ZNF385D: variants seen among roughly 807,000 people sequenced by gnomAD.
The protein encoded by ZNF385D is zinc finger protein 385D, also known as zinc finger protein 659.
In ZNF385D, 15 loss-of-function variants were observed where a neutral mutation model predicts 35.8. The ratio of observed to expected loss-of-function variants is 0.42; its 90% CI spans 0.28 to 0.64. The LOEUF (loss-of-function observed/expected upper bound fraction) is 0.64, where lower values mean the gene tolerates loss of function less well. Ranked by LOEUF, ZNF385D falls within the 30% of genes least tolerant of loss-of-function variation. ZNF385D has a pLI of 0.23. For synonymous variants in ZNF385D, 212 were observed against 186.8 expected (o/e 1.13, Z -1.10); for missense variants, 474 against 494.6 (o/e 0.96, Z 0.39).
rs140638249 is a variant in ZNF385D at position 22,184,500 on chromosome 3, A to T, written c.107-15465T>A. The stretch of plus-strand genomic sequence containing the variant: ...TGATGCTCTCAGAATTCAACTACAG[A>T]AACAAAAGACTTGATGGTACTAGAT... On this transcript the variant is annotated intron_variant, in intron 2 of 5. Transcript: ENST00000494108. 1.3e-3 allele frequency among the ~76,000 whole-genome samples: 193 copies of T among 152,250 alleles called. 2 individuals are homozygous for T. Among genetic ancestry groups the T allele is most frequent in the African/African-American group, 4.3e-3 (180 of 41,564 alleles).
At chr3:22,109,269 CAAT>C (rs371168909) in intron 3 of ZNF385D, among the ~76,000 whole-genome samples, 18 of 152,190 alleles carry the variant, frequency 1.2e-4, no homozygotes, top group African/African-American at 4.1e-4. Context: ...CTTATCAACT[CAAT>C]AATAATTTAT....
chr3:22,362,203 TTTAAA>T (rs1210294507), intron 2 of ZNF385D, among the ~76,000 whole-genome samples: 28 of 151,926 alleles, frequency 1.8e-4, no homozygotes, highest in Non-Finnish European at 1.3e-4. Flanking sequence ...TTCTTAAGAA[TTTAAA>T]TTAAGAACAC....
intron 3 of ZNF385D, among the ~76,000 whole-genome samples, chr3:21,528,102 A>G (rs1708336232): frequency 6.6e-6 from 1 of 152,192 alleles, no homozygotes; most frequent in Non-Finnish European, 1.5e-5. Flanking sequence ...CTGTCTCCAA[A>G]GTTCATTGCA....
At chr3:22,201,791 A>G in intron 2 of ZNF385D, among the ~76,000 whole-genome samples, 1 of 151,684 alleles carries the variant, frequency 6.6e-6, no homozygotes, top group East Asian at 1.9e-4. Context: ...AAACAACTGA[A>G]TGTGTGTGTA....
intron 2 of ZNF385D, among the ~76,000 whole-genome samples, chr3:22,237,601 G>A (rs1448518816): frequency 2.0e-5 from 3 of 152,092 alleles, no homozygotes; most frequent in African/African-American, 7.2e-5. Context: ...ACATTTACAT[G>A]TAGGTTTTCT....
chr3:21,531,172 C>T (rs1274782789), intron 3 of ZNF385D, among the ~76,000 whole-genome samples: 1 of 151,966 alleles, frequency 6.6e-6, no homozygotes, highest in Non-Finnish European at 1.5e-5. Context: ...TTGCTTAATG[C>T]TTTTTTAAAA....
At chr3:22,143,305 T>C (rs537812453) in intron 3 of ZNF385D, among the ~76,000 whole-genome samples, 14 of 152,188 alleles carry the variant, frequency 9.2e-5, no homozygotes, top group African/African-American at 1.4e-4. Flanking sequence ...AGGATGGTCT[T>C]GATCGCCTGA....
At chr3:22,184,245 C>T (rs1695477642) in intron 2 of ZNF385D, among the ~76,000 whole-genome samples, 1 of 152,108 alleles carries the variant, frequency 6.6e-6, no homozygotes, top group Non-Finnish European at 1.5e-5. Flanking sequence ...GCAATAAATC[C>T]TGGCCCACTT....
intron 2 of ZNF385D, among the ~76,000 whole-genome samples, chr3:21,631,854 A>T (rs2065290457): frequency 6.6e-6 from 1 of 152,122 alleles, no homozygotes; most frequent in South Asian, 2.1e-4. Flanking sequence ...CAATCTCGTC[A>T]TGTTTTTAGG....
intron 3 of ZNF385D, among the ~76,000 whole-genome samples, chr3:22,102,223 T>A (rs920889603): frequency 6.6e-6 from 1 of 152,060 alleles, no homozygotes; most frequent in African/African-American, 2.4e-5. Context: ...CATTAGTCAA[T>A]GTTTTTTTGA....
intron 2 of ZNF385D, among the ~76,000 whole-genome samples, chr3:22,237,641 AT>A (rs1314381952): frequency 6.6e-6 from 1 of 152,026 alleles, no homozygotes; most frequent in Non-Finnish European, 1.5e-5. Flanking sequence ...TTGCTCTTAA[AT>A]TTAGACCTTA....
intron 2 of ZNF385D, among the ~76,000 whole-genome samples, chr3:21,651,481 C>A (rs2065912238): frequency 1.3e-5 from 2 of 150,192 alleles, no homozygotes. Context: ...AAGAATGGTT[C>A]TATTTTGGCT....
chr3:21,615,816 G>GTGTGTGTGTGTGTGTGTT (rs1375406249), intron 2 of ZNF385D, among the ~76,000 whole-genome samples: 9 of 151,202 alleles, frequency 6.0e-5, no homozygotes, highest in African/African-American at 2.2e-4. Context: ...GTGTGTGTGT[G>GTGTGTGTGTGTGTGTGTT]TTTACTGGTT....
intron 3 of ZNF385D, among the ~76,000 whole-genome samples, chr3:22,131,377 A>T (rs907214150): frequency 3.3e-5 from 5 of 152,166 alleles, no homozygotes; most frequent in Non-Finnish European, 7.3e-5. Context: ...TTAAAAAAAA[A>T]GTTTAGAAGA....
upstream of ZNF385D, among the ~76,000 whole-genome samples, chr3:21,753,382 C>G (rs4261893): frequency 2.6e-5 from 4 of 151,966 alleles, no homozygotes; most frequent in Non-Finnish European, 5.9e-5. Context: ...ACTGCATGTT[C>G]TAGAAACAAA....
chr3:21,712,351 C>A (rs1432789375), intron 1 of ZNF385D, among the ~76,000 whole-genome samples: 1 of 152,156 alleles, frequency 6.6e-6, no homozygotes, highest in Non-Finnish European at 1.5e-5. Context: ...TCCTTATTCT[C>A]CAGTGAACAC....
At chr3:22,040,066 A>C (rs1308168145) in intron 3 of ZNF385D, among the ~76,000 whole-genome samples, 1 of 152,116 alleles carries the variant, frequency 6.6e-6, no homozygotes, top group African/African-American at 2.4e-5. Context: ...GCCAAGTCTC[A>C]AGATTTCAGT....
intron 3 of ZNF385D, among the ~76,000 whole-genome samples, chr3:22,047,701 T>C (rs557699278): frequency 4.5e-4 from 68 of 152,264 alleles, no homozygotes; most frequent in African/African-American, 1.6e-3. Context: ...GTTTCTTCAA[T>C]GAACATGGGA....
chr3:22,286,589 T>C (rs896188923), intron 2 of ZNF385D, among the ~76,000 whole-genome samples: 1 of 152,144 alleles, frequency 6.6e-6, no homozygotes, highest in Admixed American at 6.6e-5. Context: ...TAAGGCGATA[T>C]GTGGTGTTTT....
Sources: allele counts gnomAD v4.1 joint callset (sites outside exome capture counted in the v4.1 genomes callset), GRCh38; gene constraint gnomAD v4.1.1; transcripts MANE v1.5; gene names NCBI Gene and HGNC (gene_info 2026-07-23, HGNC 2026-07-21).